The following C10orf90 variants were observed in gnomAD, a reference collection of about 807,000 sequenced individuals.
C10orf90 encodes the protein chromosome 10 open reading frame 90.
In C10orf90, 56 loss-of-function variants were observed where a neutral mutation model predicts 62.5. That is an observed-to-expected ratio of 0.90 (90% CI 0.72 to 1.12). C10orf90 has a LOEUF of 1.12. C10orf90 is among the 50% of genes most tolerant of loss of function. The pLI is 0.00. For synonymous variants in C10orf90, 386 were observed against 340.4 expected (o/e 1.13, Z -1.47); for missense variants, 970 against 880.4 (o/e 1.10, Z -1.29).
intron 2 of C10orf90, among the ~76,000 whole-genome samples, chr10:126,619,728 C>A (rs1299677314): frequency 6.6e-6 from 1 of 152,182 alleles, no homozygotes; most frequent in Non-Finnish European, 1.5e-5. Flanking sequence ...CAGCCTCAGC[C>A]TCCCAGGCTC....
intron 7 of C10orf90, among the ~76,000 whole-genome samples, chr10:126,444,209 A>T (rs1248050031): frequency 1.3e-5 from 2 of 152,114 alleles, no homozygotes; most frequent in African/African-American, 4.8e-5. Context: ...GGACATCCAA[A>T]TCAGTAAACA....
At chr10:126,612,280 C>T (rs1433229178) in intron 2 of C10orf90, among the ~76,000 whole-genome samples, 1 of 152,142 alleles carries the variant, frequency 6.6e-6, no homozygotes, top group Non-Finnish European at 1.5e-5. Context: ...GAGATCACAC[C>T]ACCACACTCC....
chr10:126,483,402 A>G (rs755068373), intron 4 of C10orf90, among the ~76,000 whole-genome samples: 7 of 152,228 alleles, frequency 4.6e-5, no homozygotes, highest in Non-Finnish European at 1.0e-4. Context: ...ACATCCAATT[A>G]TATCATGTGA....
At chr10:126,588,427 T>A (rs943545507) in intron 2 of C10orf90, among the ~76,000 whole-genome samples, 1 of 152,108 alleles carries the variant, frequency 6.6e-6, no homozygotes, top group Non-Finnish European at 1.5e-5. Flanking sequence ...TACAGGAGTG[T>A]TCCAGCCGGC....
intron 7 of C10orf90, among the ~76,000 whole-genome samples, chr10:126,444,617 A>T (rs1187928742): frequency 6.6e-6 from 1 of 152,172 alleles, no homozygotes; most frequent in Non-Finnish European, 1.5e-5. Flanking sequence ...TACAAATTCA[A>T]TGTAATCTCT....
intron 2 of C10orf90, among the ~76,000 whole-genome samples, chr10:126,527,733 G>A (rs1264024043): frequency 6.6e-6 from 1 of 152,188 alleles, no homozygotes; most frequent in East Asian, 1.9e-4. Context: ...TATTATGAGA[G>A]CTAAGAAAGA....
chr10:126,455,435 G>A (rs1408547802), intron 7 of C10orf90, among the ~76,000 whole-genome samples: 1 of 152,142 alleles, frequency 6.6e-6, no homozygotes, highest in Non-Finnish European at 1.5e-5. Context: ...TCCTTTCATG[G>A]CACTCTGAGA....
rs866371518 is a variant in C10orf90, at chr10:126,504,371, G to A, written c.1120C>T (p.Pro374Ser). ...ATTTTGGGGCTGGCAATTTGAGGTG[G>A]CTCAATGGGGACGGAGAGAGACTTG... is the stretch of plus-strand genomic sequence containing the variant. ...VDKSLSVPIE[P>S]PQIASPKMHR... The change falls in exon 4 of 10, where the codon CCA (proline) becomes TCA (serine). Residue 374 changes from proline (P) to serine (S), a missense_variant. Coordinates refer to ENST00000488181, the MANE Select transcript of C10orf90 (RefSeq NM_001350921.2). This position sits in a 1 kb window ranked among gnomAD's most constrained non-coding sequence, Gnocchi z 4.1. 1 of 1,614,070 alleles carries A rather than the reference G, an allele frequency of 6.2e-7. No individual in the cohort carries two copies. Among genetic ancestry groups the A allele is most frequent in the African/African-American group, 1.3e-5 (1 of 74,906 alleles).
At chr10:126,550,026 GCT>G (rs1864596287) in intron 2 of C10orf90, among the ~76,000 whole-genome samples, 1 of 149,946 alleles carries the variant, frequency 6.7e-6, no homozygotes, top group African/African-American at 2.5e-5. Context: ...CGCAATCTCA[GCT>G]CTCTGCAACA....
chr10:126,426,378 G>GT (rs1313688524), intron 8 of C10orf90, among the ~76,000 whole-genome samples: 1 of 152,240 alleles, frequency 6.6e-6, no homozygotes, highest in Non-Finnish European at 1.5e-5. Flanking sequence ...AGAAGTCATT[G>GT]TTTTTGTCCT....
At chr10:126,479,862 G>A (rs937895858) in intron 4 of C10orf90, among the ~76,000 whole-genome samples, 2 of 152,216 alleles carry the variant, frequency 1.3e-5, no homozygotes, top group Non-Finnish European at 2.9e-5. Flanking sequence ...GTTCCTTCTC[G>A]ATTATAATAG....
intron 2 of C10orf90, chr10:126,523,029 C>G (rs773625445): frequency 1.3e-5 from 2 of 152,204 alleles, no homozygotes; most frequent in Non-Finnish European, 2.9e-5. Flanking sequence ...CCTCAAAAAA[C>G]AGTGTGTTAT....
chr10:126,623,516 A>G (rs534405275), intron 2 of C10orf90, among the ~76,000 whole-genome samples: 1 of 152,044 alleles, frequency 6.6e-6, no homozygotes, highest in Admixed American at 6.5e-5. Context: ...GACAATTTCT[A>G]CCTTGATCTC....
chr10:126,475,663 A>G (rs1368578795), intron 4 of C10orf90, among the ~76,000 whole-genome samples: 1 of 152,202 alleles, frequency 6.6e-6, no homozygotes, highest in Non-Finnish European at 1.5e-5. Flanking sequence ...GATGGAGATC[A>G]TTAGGTGCTG....
At chr10:126,433,025 A>C (rs1276522923) in intron 7 of C10orf90, among the ~76,000 whole-genome samples, 2 of 152,134 alleles carry the variant, frequency 1.3e-5, no homozygotes, top group Admixed American at 1.3e-4. Flanking sequence ...GGAGATGCAA[A>C]AATGGCAGCA....
At chr10:126,539,139 A>G (rs1408323447) in intron 2 of C10orf90, among the ~76,000 whole-genome samples, 1 of 152,136 alleles carries the variant, frequency 6.6e-6, no homozygotes, top group Non-Finnish European at 1.5e-5. Flanking sequence ...GCAGGCAGGG[A>G]CCTTTCCACC....
Position 126,486,973 on chromosome 10 carries a change from T to C in C10orf90, c.1534+16984A>G, listed in dbSNP as rs186425074. Among the ~76,000 whole-genome samples the C allele has an allele frequency of 5.8e-3, 881 of 151,194 alleles. 2 individuals are homozygous for C. The highest frequency in any genetic ancestry group is 8.3e-3 in the Non-Finnish European group (560 of 67,798). Reference sequence around the variant, plus strand: ...GCCTGGCCAACATAGTGAAACCCCATCTCTACTAAAAATACAAAAAAAGTA... The same window carrying C: ...GCCTGGCCAACATAGTGAAACCCCACCTCTACTAAAAATACAAAAAAAGTA... On this transcript the variant is annotated intron_variant, in intron 4 of 9. Transcript: ENST00000488181.
At chr10:126,463,070 G>A (rs371320068) in intron 5 of C10orf90, among the ~76,000 whole-genome samples, 15 of 74,744 alleles carry the variant, frequency 2.0e-4, no homozygotes, top group Admixed American at 7.8e-4. Context: ...CCCAACCCCC[G>A]TCCTGTGGAG....
chr10:126,432,106 T>C (rs1009767965), intron 7 of C10orf90, among the ~76,000 whole-genome samples: 9 of 152,238 alleles, frequency 5.9e-5, no homozygotes, highest in Admixed American at 5.9e-4. Context: ...CAAGCTCATC[T>C]GATAAATAGC....
Sources: allele counts gnomAD v4.1 joint callset (sites outside exome capture counted in the v4.1 genomes callset), GRCh38; gene constraint gnomAD v4.1.1; non-coding constraint Gnocchi (gnomAD v3.1); transcripts MANE v1.5; gene names NCBI Gene and HGNC (gene_info 2026-07-23, HGNC 2026-07-21).